The following FANCC variants were observed in gnomAD, a reference collection of about 807,000 sequenced individuals.
FANCC encodes the protein FA complementation group C, also known as Fanconi anemia group C protein.
A neutral mutation model predicts 71.3 loss-of-function variants in FANCC; 55 were observed. The ratio of observed to expected loss-of-function variants is 0.77; its 90% confidence interval spans 0.62 to 0.97. The LOEUF (loss-of-function observed/expected upper bound fraction) is 0.97, where lower values mean the gene tolerates loss of function less well. Ranked by LOEUF, FANCC falls within the 50% of genes least tolerant of loss-of-function variation. The probability of loss-of-function intolerance (pLI) is 0.00; values close to 1 mark genes in which losing one functional copy is unlikely to be tolerated. For synonymous variants in FANCC, 275 were observed against 244.9 expected, an observed-to-expected ratio of 1.12 and a Z score of -1.15; for missense variants, 678 against 670.9, an observed-to-expected ratio of 1.01 and a Z score of -0.12.
intron 6 of FANCC, among the ~76,000 whole-genome samples, chr9:95,156,024 G>A (rs1830448468): frequency 1.3e-5 from 2 of 152,060 alleles, no homozygotes; most frequent in Non-Finnish European, 1.5e-5. Flanking sequence ...CTGTGCCAAG[G>A]CTGAAACAAC....
chr9:95,261,653 C>T (rs1210384661), intron 1 of FANCC, among the ~76,000 whole-genome samples: 1 of 152,182 alleles, frequency 6.6e-6, no homozygotes, highest in East Asian at 1.9e-4. Context: ...TCACCTTCTC[C>T]ACGTATGCAG....
chr9:95,203,371 C>A (rs1478954902), intron 4 of FANCC, among the ~76,000 whole-genome samples: 3 of 106,990 alleles, frequency 2.8e-5, no homozygotes, highest in Non-Finnish European at 5.4e-5. Flanking sequence ...AGAACAAGAC[C>A]CTGTCTCAAA....
intron 3 of FANCC, among the ~76,000 whole-genome samples, chr9:95,245,942 T>C (rs1830944215): frequency 6.6e-6 from 1 of 152,008 alleles, no homozygotes; most frequent in Admixed American, 6.6e-5. Context: ...TCTCCATCTC[T>C]CTCAAAATCT....
intron 7 of FANCC, among the ~76,000 whole-genome samples, chr9:95,149,144 AATT>A (rs1489187711): frequency 6.6e-6 from 1 of 152,166 alleles, no homozygotes; most frequent in Non-Finnish European, 1.5e-5. Context: ...CGTGTAATAA[AATT>A]ATTTTTATTT....
chr9:95,218,853 T>A (rs191773990), intron 4 of FANCC, among the ~76,000 whole-genome samples: 1 of 152,170 alleles, frequency 6.6e-6, no homozygotes, highest in African/African-American at 2.4e-5. Context: ...CTGATTAAAA[T>A]GGTTTTGTGG....
chr9:95,119,239 G>A (rs777001023), intron 10 of FANCC, among the ~76,000 whole-genome samples: 86 of 152,154 alleles, frequency 5.7e-4, no homozygotes, highest in Non-Finnish European at 8.8e-4. Flanking sequence ...TTTAAAAACT[G>A]GTTTCTTAGG....
At chr9:95,260,414 G>A (rs1440848859) in intron 1 of FANCC, among the ~76,000 whole-genome samples, 2 of 152,102 alleles carry the variant, frequency 1.3e-5, no homozygotes, top group South Asian at 2.1e-4. Flanking sequence ...GCCGGAAGCC[G>A]TCATTCTCAG....
intron 4 of FANCC, among the ~76,000 whole-genome samples, chr9:95,199,034 C>G (rs1453402128): frequency 6.6e-6 from 1 of 152,042 alleles, no homozygotes; most frequent in African/African-American, 2.4e-5. Context: ...ACCTAGTTTT[C>G]TTTATATTGT....
intron 8 of FANCC, among the ~76,000 whole-genome samples, chr9:95,133,953 T>A (rs1009221602): frequency 7.2e-5 from 11 of 152,366 alleles, no homozygotes; most frequent in South Asian, 4.1e-4. Context: ...CCTTAATATA[T>A]GACTCTTCCG....
At chr9:95,270,255 T>C (rs182880678) in intron 1 of FANCC, among the ~76,000 whole-genome samples, 33 of 152,302 alleles carry the variant, frequency 2.2e-4, no homozygotes, top group African/African-American at 7.0e-4. Context: ...TGCCAACATC[T>C]GCACCAGTAC....
At chr9:95,208,749 T>C (rs73534888) in intron 4 of FANCC, among the ~76,000 whole-genome samples, 5,586 of 152,240 alleles carry the variant, frequency 0.037, 305 homozygotes, top group African/African-American at 0.12. Flanking sequence ...CAAATGCTGA[T>C]AAGGATGTAT....
At chr9:95,132,810 A>T (rs1182548759) in intron 8 of FANCC, among the ~76,000 whole-genome samples, 3 of 152,248 alleles carry the variant, frequency 2.0e-5, no homozygotes, top group Non-Finnish European at 4.4e-5. Context: ...TGGGAAGGTC[A>T]TTTCACTTTG....
intron 4 of FANCC, among the ~76,000 whole-genome samples, chr9:95,189,023 T>C (rs528431460): frequency 1.3e-5 from 2 of 152,240 alleles, no homozygotes; most frequent in Non-Finnish European, 2.9e-5. Context: ...TTGTGCATTC[T>C]GGGATGCTAT....
At chr9:95,234,067 G>C (rs920249197) in intron 4 of FANCC, among the ~76,000 whole-genome samples, 5 of 152,166 alleles carry the variant, frequency 3.3e-5, no homozygotes, top group African/African-American at 1.2e-4. Flanking sequence ...TGGACACCTG[G>C]CTTCAAAAGA....
intron 1 of FANCC, chr9:95,294,666 G>A (rs1201344550): frequency 1.0e-5 from 16 of 1,589,840 alleles, no homozygotes; most frequent in Non-Finnish European, 5.2e-6. Flanking sequence ...AAACCCTGGG[G>A]AGCTTGTTCT....
chr9:95,199,878 A>G (rs1384361795), intron 4 of FANCC, among the ~76,000 whole-genome samples: 1 of 152,206 alleles, frequency 6.6e-6, no homozygotes, highest in African/African-American at 2.4e-5. Context: ...CATTTATTAG[A>G]TAAAAAAAAT....
At chr9:95,231,856 C>T (rs1352373529) in intron 4 of FANCC, among the ~76,000 whole-genome samples, 1 of 152,178 alleles carries the variant, frequency 6.6e-6, no homozygotes, top group African/African-American at 2.4e-5. Flanking sequence ...TTGTGGTGAC[C>T]TCCAATTATT....
intron 1 of FANCC, among the ~76,000 whole-genome samples, chr9:95,309,472 CTAAG>C (rs1564847185): frequency 6.6e-6 from 1 of 152,128 alleles, no homozygotes; most frequent in Non-Finnish European, 1.5e-5. Flanking sequence ...GGTAGATAGG[CTAAG>C]TAATCGTTAC....
rs2071085287 is a variant in FANCC at position 95,101,769 on chromosome 9, C to T, written c.1615G>A (p.Glu539Lys). The T allele has an allele frequency of 6.2e-7, 1 of 1,614,150 alleles. No individual in the cohort carries two copies. The highest frequency in any genetic ancestry group is 1.3e-5 in the African/African-American group (1 of 75,034). ...GCCAGTTTTTCTGATCTAGGGCTTT[C>T]AATGCCAAGACGATTCCATCTGTAC... is the stretch of plus-strand genomic sequence containing the variant. ...TLYRWNRLGIESPRSEKLARE... is the reference protein window; with the variant it reads ...TLYRWNRLGIKSPRSEKLARE... Residue 539 changes from glutamate (E) to lysine (K), a missense_variant, in exon 15 of 15, where the codon GAA (glutamate) becomes AAA (lysine). By Grantham distance (56) the Glu-to-Lys change is moderately conservative (BLOSUM62 1). Coordinates refer to ENST00000289081, the MANE Select transcript of FANCC (RefSeq NM_000136.3).
Sources: allele counts gnomAD v4.1 joint callset (sites outside exome capture counted in the v4.1 genomes callset), GRCh38; gene constraint gnomAD v4.1.1; transcripts MANE v1.5; gene names NCBI Gene and HGNC (gene_info 2026-07-23, HGNC 2026-07-21).